Variants in KCNQ1 observed in about 807,000 individuals in gnomAD.
KCNQ1 encodes potassium voltage-gated channel subfamily Q member 1.
In KCNQ1, 49 loss-of-function variants were observed where a neutral mutation model predicts 72.4. The ratio of observed to expected loss-of-function variants is 0.68; its 90% CI spans 0.54 to 0.86. KCNQ1 has a LOEUF of 0.86. KCNQ1 is among the 40% of genes least tolerant of loss of function. The pLI is 0.00. For missense variants in KCNQ1, 790 were observed against 945.1 expected (o/e 0.84, Z 2.15); for synonymous variants, 450 against 412.6 (o/e 1.09, Z -1.10).
rs896909902 is a variant in KCNQ1 at position 2,611,067 on chromosome 11, G to A, written c.1393+22213G>A. On this transcript the variant is annotated intron_variant, in intron 10 of 15. Coordinates refer to ENST00000155840, the MANE Select transcript of KCNQ1 (RefSeq NM_000218.3). This position sits in a 1 kb window ranked among gnomAD's most constrained non-coding sequence, Gnocchi z 5.3. ...TTTATTTCATATACTTCAGGGCTGT[G>A]TTTTTAGCTGTTATAAATTTTTATT... is the stretch of plus-strand genomic sequence containing the variant. The A allele has an allele frequency of 1.0e-5, 4 of 398,072 alleles. No homozygotes were observed. The highest frequency in any genetic ancestry group is 6.2e-4 in the Middle Eastern group (1 of 1,610). 24.7% of individuals were successfully genotyped at this position (398,072 alleles called of 1,614,324 possible).
At chr11:2,774,000 C>G (rs1214595719) in intron 12 of KCNQ1, among the ~76,000 whole-genome samples, 2 of 151,338 alleles carry the variant, frequency 1.3e-5, no homozygotes, top group Admixed American at 6.6e-5. Context: ...TTATAGAAGA[C>G]AGAGACAGGG....
intron 1 of KCNQ1, among the ~76,000 whole-genome samples, chr11:2,476,157 A>G (rs1367168812): frequency 6.6e-6 from 1 of 152,248 alleles, no homozygotes; most frequent in African/African-American, 2.4e-5. Context: ...AAAGCAAAAG[A>G]TGTACCTTTT....
chr11:2,672,624 G>C (rs1467777597), intron 11 of KCNQ1: 1 of 398,604 alleles, frequency 2.5e-6, no homozygotes, highest in African/African-American at 2.1e-5. Flanking sequence ...GTGATGGAAG[G>C]ACTCTGGGTA....
chr11:2,716,950 A>G (rs1851103008), intron 11 of KCNQ1, among the ~76,000 whole-genome samples: 2 of 152,212 alleles, frequency 1.3e-5, no homozygotes, highest in Admixed American at 6.5e-5. Flanking sequence ...CCCCTATGTG[A>G]GTACAGGAAC....
rs903083560 is a variant in KCNQ1, at chr11:2,828,004, G to T, written c.1795-19763G>T. Among the ~76,000 whole-genome samples the T allele has an allele frequency of 6.6e-6, 1 of 152,178 alleles. No homozygotes were observed. The highest frequency in any genetic ancestry group is 6.5e-5 in the Admixed American group (1 of 15,288). On this transcript the variant is annotated intron_variant, in intron 15 of 15. Transcript: ENST00000155840. This position sits in a 1 kb window ranked among gnomAD's most constrained non-coding sequence, Gnocchi z 5.3. The stretch of plus-strand genomic sequence containing the variant: ...GGGCACATAGAGGTCTTGAAAGCTC[G>T]AATGTGGGGAGGCCAGCAACAGAGG...
In KCNQ1 at chr11:2,507,309, G is replaced by A. The variant is rs1235688240; in HGVS notation, c.387-20619G>A. Among the ~76,000 whole-genome samples, 1 of 152,178 alleles carries A rather than the reference G, an allele frequency of 6.6e-6. No homozygotes were observed. The highest frequency in any genetic ancestry group is 2.4e-5 in the African/African-American group (1 of 41,432). On this transcript the variant is annotated intron_variant, in intron 1 of 15. Coordinates refer to ENST00000155840, the MANE Select transcript of KCNQ1 (RefSeq NM_000218.3). The surrounding 1 kb of genome is among the most constrained non-coding windows in gnomAD (Gnocchi z 5.4). ...CCCCACTGGCTGGGGCCTTCACGAG[G>A]CCCCTCTGGCCTCTAAGTGGAGCAT...
At position 2,704,011 on chromosome 11, in the gene KCNQ1, T is replaced by A. The variant is rs1483704859; in HGVS notation, c.1514+41930T>A. ...GTGGTTAGGACCTCAGGGTTATCCC[T>A]GAGTGGCTGATGCATTGCCAGGAAG... is the stretch of plus-strand genomic sequence containing the variant. On this transcript the variant is annotated intron_variant, in intron 11 of 15. Coordinates refer to ENST00000155840, the MANE Select transcript of KCNQ1 (RefSeq NM_000218.3). This position sits in a 1 kb window ranked among gnomAD's most constrained non-coding sequence, Gnocchi z 4.3. 6.6e-6 allele frequency among the ~76,000 whole-genome samples: 1 copy of A among 152,230 alleles called. No homozygotes were observed. Among genetic ancestry groups the A allele is most frequent in the Non-Finnish European group, 1.5e-5 (1 of 68,036 alleles).
intron 15 of KCNQ1, among the ~76,000 whole-genome samples, chr11:2,795,080 C>T (rs967163390): frequency 3.3e-5 from 5 of 152,172 alleles, no homozygotes; most frequent in African/African-American, 9.7e-5. Flanking sequence ...CCATCTAACT[C>T]GCCACCTCCT....
rs1198931127 is a variant in KCNQ1, at chr11:2,703,162, T to C, written c.1514+41081T>C. ...AGCCCAGGGCTGGCCTTGGGCACCA[T>C]GGCAGAATTCTGGGAGGGGGCTGCA... is the stretch of plus-strand genomic sequence containing the variant. On this transcript the variant is annotated intron_variant, in intron 11 of 15. Coordinates refer to ENST00000155840, the MANE Select transcript of KCNQ1 (RefSeq NM_000218.3). The surrounding 1 kb of genome is among the most constrained non-coding windows in gnomAD (Gnocchi z 6.4). Among the ~76,000 whole-genome samples, 1 of 152,040 alleles carries C rather than the reference T, an allele frequency of 6.6e-6. No individual in the cohort carries two copies. The highest frequency in any genetic ancestry group is 1.5e-5 in the Non-Finnish European group (1 of 68,006).
intron 11 of KCNQ1, among the ~76,000 whole-genome samples, chr11:2,756,635 G>C (rs1180660672): frequency 6.6e-6 from 1 of 151,960 alleles, no homozygotes; most frequent in African/African-American, 2.4e-5. Flanking sequence ...TGTTTTTGTA[G>C]AGATGTGGTT....
intron 1 of KCNQ1, among the ~76,000 whole-genome samples, chr11:2,472,067 G>T (rs1846485086): frequency 6.8e-6 from 1 of 147,746 alleles, no homozygotes; most frequent in African/African-American, 2.5e-5. Context: ...CATGTGTGTA[G>T]GTGTGTGTGT....
chr11:2,571,733 C>T (rs1457860188), intron 4 of KCNQ1, among the ~76,000 whole-genome samples: 1 of 152,162 alleles, frequency 6.6e-6, no homozygotes, highest in Non-Finnish European at 1.5e-5. Flanking sequence ...CCAAGGAGCC[C>T]CCCAGAAGGC....
At chr11:2,465,988 G>A (rs151169966) in intron 1 of KCNQ1, among the ~76,000 whole-genome samples, 8 of 152,210 alleles carry the variant, frequency 5.3e-5, no homozygotes, top group Non-Finnish European at 7.3e-5. Flanking sequence ...GACGGCTCAG[G>A]TCGACTCCCA....
intron 1 of KCNQ1, among the ~76,000 whole-genome samples, chr11:2,500,072 C>T (rs1299117088): frequency 6.6e-6 from 1 of 152,124 alleles, no homozygotes. Flanking sequence ...CCTGAATGAC[C>T]AGAGGGTCAA....
chr11:2,716,085 G>A (rs915748827), intron 11 of KCNQ1, among the ~76,000 whole-genome samples: 4 of 152,316 alleles, frequency 2.6e-5, no homozygotes, highest in Middle Eastern at 3.4e-3. Flanking sequence ...CCCCACCGCC[G>A]GGGTCGGAGC....
At chr11:2,812,869 C>T (rs1238345505) in intron 15 of KCNQ1, among the ~76,000 whole-genome samples, 2 of 152,212 alleles carry the variant, frequency 1.3e-5, no homozygotes, top group African/African-American at 2.4e-5. Context: ...GTGAGTGGCA[C>T]CCTGGGGTTG....
intron 15 of KCNQ1, among the ~76,000 whole-genome samples, chr11:2,794,314 G>A (rs2134013268): frequency 6.6e-6 from 1 of 152,368 alleles, no homozygotes; most frequent in East Asian, 1.9e-4. Context: ...CTTCTGCTGT[G>A]AGCCCCCACG....
rs531232779 is a variant in KCNQ1 at position 2,772,132 on chromosome 11, G to A, written c.1590+3213G>A. Reference sequence around the variant, plus strand: ...TGGGGCCAGGGTGAGGGGAGCAGTAGCCCGTGGCAGTGAGGAGCTGTGTGT... The same window carrying A: ...TGGGGCCAGGGTGAGGGGAGCAGTAACCCGTGGCAGTGAGGAGCTGTGTGT... On this transcript the variant is annotated intron_variant, in intron 12 of 15. Transcript: ENST00000155840. This position sits in a 1 kb window ranked among gnomAD's most constrained non-coding sequence, Gnocchi z 6.6. 1.4e-3 allele frequency among the ~76,000 whole-genome samples: 212 copies of A among 152,264 alleles called. 1 individual carries two copies. The highest frequency in any genetic ancestry group is 1.5e-3 in the Non-Finnish European group (104 of 67,994).
intron 11 of KCNQ1, among the ~76,000 whole-genome samples, chr11:2,753,331 C>T (rs11825597): frequency 0.13 from 20,369 of 152,092 alleles, 1,589 homozygotes; most frequent in African/African-American, 0.21. Flanking sequence ...CAGAGGCCTC[C>T]GTGTCTGCCC....
Sources: gnomAD v4.1 joint callset for allele counts (sites outside exome capture counted in the v4.1 genomes callset) on GRCh38, gnomAD v4.1.1 for gene constraint, Gnocchi (gnomAD v3.1) non-coding constraint, MANE v1.5 for transcripts, NCBI Gene and HGNC (gene_info 2026-07-23, HGNC 2026-07-21) for gene names.